The following TMEM132D variants were observed in gnomAD, a reference collection of about 807,000 sequenced individuals.
The protein encoded by TMEM132D is mature OL transmembrane protein.
TMEM132D carries 21 observed loss-of-function variants against 62.3 expected under a neutral mutation model. The observed-to-expected ratio is 0.34, with a 90% CI of 0.24 to 0.49. The LOEUF (loss-of-function observed/expected upper bound fraction) is 0.49. TMEM132D is among the 20% of genes least tolerant of loss of function. The pLI is 0.99. For synonymous variants in TMEM132D, 621 were observed against 575.6 expected (o/e 1.08, Z -1.13); for missense variants, 1,346 against 1,402.8 (o/e 0.96, Z 0.65).
intron 1 of TMEM132D, among the ~76,000 whole-genome samples, chr12:129,773,387 G>C (rs544100993): frequency 6.6e-6 from 1 of 152,100 alleles, no homozygotes. Context: ...ACAGATGAGC[G>C]GCAGGTAAGG....
At chr12:129,080,628 G>A (rs1005127269) in intron 7 of TMEM132D, among the ~76,000 whole-genome samples, 1 of 152,160 alleles carries the variant, frequency 6.6e-6, no homozygotes, top group African/African-American at 2.4e-5. Flanking sequence ...TGCCTGATAA[G>A]ACAATCGCAT....
intron 3 of TMEM132D, among the ~76,000 whole-genome samples, chr12:129,432,523 TC>T (rs1247512967): frequency 1.3e-5 from 2 of 152,370 alleles, no homozygotes; most frequent in South Asian, 4.1e-4. Flanking sequence ...AGACAACTTT[TC>T]TTCATTGGCA....
intron 2 of TMEM132D, among the ~76,000 whole-genome samples, chr12:129,649,795 T>C (rs1593104962): frequency 6.6e-6 from 1 of 151,880 alleles, no homozygotes; most frequent in Admixed American, 6.6e-5. Context: ...TATGTGTGTG[T>C]GCGTATGTGT....
chr12:129,132,533 C>T (rs1019826774), intron 5 of TMEM132D, among the ~76,000 whole-genome samples: 1 of 152,170 alleles, frequency 6.6e-6, no homozygotes, highest in Non-Finnish European at 1.5e-5. Flanking sequence ...TCATGCTGCA[C>T]ATTAGGTCTC....
intron 3 of TMEM132D, among the ~76,000 whole-genome samples, chr12:129,514,004 AT>A (rs529093747): frequency 5.4e-5 from 8 of 147,762 alleles, no homozygotes; most frequent in South Asian, 2.2e-4. Context: ...CGCCTGGCTA[AT>A]TTTTTTTGTA....
At chr12:129,473,503 G>A (rs1263420920) in intron 3 of TMEM132D, among the ~76,000 whole-genome samples, 2 of 151,284 alleles carry the variant, frequency 1.3e-5, no homozygotes, top group African/African-American at 2.4e-5. Context: ...CTAATTTTTT[G>A]TATTTTTAGT....
At chr12:129,738,392 AAG>A (rs1869493900) in intron 1 of TMEM132D, among the ~76,000 whole-genome samples, 1 of 152,180 alleles carries the variant, frequency 6.6e-6, no homozygotes, top group African/African-American at 2.4e-5. Context: ...AGGAAGAAAA[AAG>A]AAAAGGAAAA....
At position 129,110,505 on chromosome 12, in the gene TMEM132D, T is replaced by G. The variant is rs575575113; in HGVS notation, c.1444-25803A>C. 2.0e-5 allele frequency: 3 copies of G among 152,342 alleles called. 1 individual carries two copies. Among genetic ancestry groups the G allele is most frequent in the African/African-American group, 7.2e-5 (3 of 41,584 alleles). 9.4% of individuals were successfully genotyped at this position (152,342 alleles called of 1,614,324 possible). On this transcript the variant is annotated intron_variant, in intron 5 of 8. Coordinates refer to ENST00000422113, the MANE Select transcript of TMEM132D (RefSeq NM_133448.3). Reference sequence around the variant, plus strand: ...AACATATATACCAATGAACATGAGATATATAAATGCGTTGTATGAATAATT... The same window carrying G: ...AACATATATACCAATGAACATGAGAGATATAAATGCGTTGTATGAATAATT...
At chr12:129,882,798 T>C (rs991569220) in intron 1 of TMEM132D, among the ~76,000 whole-genome samples, 2 of 152,146 alleles carry the variant, frequency 1.3e-5, no homozygotes, top group Non-Finnish European at 2.9e-5. Flanking sequence ...ATTGGTGCAA[T>C]AGAAGTAGTC....
intron 3 of TMEM132D, among the ~76,000 whole-genome samples, chr12:129,481,405 G>T (rs1363427347): frequency 6.6e-6 from 1 of 150,826 alleles, no homozygotes; most frequent in African/African-American, 2.4e-5. Context: ...TGAGGATGCT[G>T]TGGGTTATGA....
intron 3 of TMEM132D, among the ~76,000 whole-genome samples, chr12:129,518,101 A>T (rs1389818492): frequency 6.6e-6 from 1 of 152,180 alleles, no homozygotes; most frequent in Non-Finnish European, 1.5e-5. Flanking sequence ...CCCCCTAAGG[A>T]GGATAAACAA....
chr12:129,543,793 C>T (rs1011753123), intron 2 of TMEM132D, among the ~76,000 whole-genome samples: 1 of 152,144 alleles, frequency 6.6e-6, no homozygotes, highest in East Asian at 1.9e-4. Context: ...GGGAATGTAT[C>T]GATGTAAAGC....
intron 1 of TMEM132D, among the ~76,000 whole-genome samples, chr12:129,747,221 C>A (rs182764375): frequency 9.2e-3 from 82 of 8,918 alleles, no homozygotes; most frequent in Non-Finnish European, 0.022. Flanking sequence ...TCCTTCCAGC[C>A]ACCCTGTCCT....
At chr12:129,207,069 A>G (rs145332387) in intron 5 of TMEM132D, among the ~76,000 whole-genome samples, 57 of 152,272 alleles carry the variant, frequency 3.7e-4, no homozygotes, top group African/African-American at 1.3e-3. Context: ...ACCTATTAAT[A>G]TATAACAAAC....
rs1021859582 is a variant in TMEM132D at position 129,374,582 on chromosome 12, G to A, written c.1116-36765C>T. ...GGGAGCAGGTGGAGGAAAGAACCACGGCATAGATGTTCAGCCTTGTTTTCA... is the reference window on the plus strand; with the variant it reads ...GGGAGCAGGTGGAGGAAAGAACCACAGCATAGATGTTCAGCCTTGTTTTCA... On this transcript the variant is annotated intron_variant, in intron 3 of 8. Transcript: ENST00000422113. 5.9e-5 allele frequency among the ~76,000 whole-genome samples: 9 copies of A among 152,168 alleles called. No homozygotes were observed. The East Asian group carries it at 7.8e-4, about 13-fold the overall frequency.
intron 4 of TMEM132D, among the ~76,000 whole-genome samples, chr12:129,260,150 G>A (rs140791992): frequency 1.3e-5 from 2 of 152,174 alleles, no homozygotes; most frequent in Non-Finnish European, 2.9e-5. Context: ...AATTTGGGGG[G>A]TTGAGAAGAG....
chr12:129,391,319 C>T lies in TMEM132D; in HGVS notation c.1116-53502G>A, dbSNP rs562273098. ...CTGATTTGATTCCCACAACAAACTT[C>T]GGGAGATGAGGGAAGGCAGAGAAAG... On this transcript the variant is annotated intron_variant, in intron 3 of 8. Transcript: ENST00000422113. Among the ~76,000 whole-genome samples the T allele has an allele frequency of 1.4e-4, 21 of 152,174 alleles. No homozygotes were observed. The South Asian group carries it at 1.7e-3, about 12-fold the overall frequency.
At chr12:129,631,438 C>T (rs1410382826) in intron 2 of TMEM132D, among the ~76,000 whole-genome samples, 5 of 152,130 alleles carry the variant, frequency 3.3e-5, no homozygotes, top group Non-Finnish European at 7.4e-5. Flanking sequence ...TCACAAACCT[C>T]CAAAACAACA....
chr12:129,751,338 G>A (rs147986890), intron 1 of TMEM132D, among the ~76,000 whole-genome samples: 97 of 152,246 alleles, frequency 6.4e-4, no homozygotes, highest in African/African-American at 2.3e-3. Context: ...ACCATCAGTT[G>A]TCTGTGAGAA....
Sources: gnomAD v4.1 joint callset for allele counts (sites outside exome capture counted in the v4.1 genomes callset) on GRCh38, gnomAD v4.1.1 for gene constraint, MANE v1.5 for transcripts, NCBI Gene and HGNC (gene_info 2026-07-23, HGNC 2026-07-21) for gene names.